The following CYP4X1 variants were observed in gnomAD, a reference collection of about 807,000 sequenced individuals.
The protein encoded by CYP4X1 is cytochrome P450 family 4 subfamily X member 1.
In CYP4X1, 44 loss-of-function variants were observed where a neutral mutation model predicts 57.9. The ratio of observed to expected loss-of-function variants is 0.76; its 90% CI spans 0.60 to 0.98. The LOEUF is 0.98. CYP4X1 is among the 50% of genes least tolerant of loss of function. CYP4X1 has a pLI of 0.00. For synonymous variants in CYP4X1, 227 were observed against 228.6 expected (o/e 0.99, Z 0.06); for missense variants, 532 against 623.9 (o/e 0.85, Z 1.57).
rs1644120540 is a variant in CYP4X1 at position 47,031,219 on chromosome 1, C to A, written c.320-217C>A. ...CAAGGGAATAATCAGGGTTTCTGTA[C>A]TTGTCTGCCTCATAGGGCTTGCTGT... On this transcript the variant is annotated intron_variant, in intron 2 of 11. Transcript: ENST00000371901. Among the ~76,000 whole-genome samples, 3 of 152,236 alleles carry A rather than the reference C, an allele frequency of 2.0e-5. No individual in the cohort carries two copies. In the South Asian group the frequency reaches 6.2e-4, roughly 31 times the overall value.
At chr1:47,004,531 A>C in the CYP4X1 span, among the ~76,000 whole-genome samples, 1 of 152,260 alleles carries the variant, frequency 6.6e-6, no homozygotes, top group Admixed American at 6.5e-5. Flanking sequence ...CAGTGAAATT[A>C]AGAGGTTTCC....
the CYP4X1 span, among the ~76,000 whole-genome samples, chr1:46,985,072 AG>A: frequency 2.6e-5 from 4 of 152,316 alleles, no homozygotes; most frequent in South Asian, 8.3e-4. Flanking sequence ...TTCCCCTCAC[AG>A]TGTAAACTAA....
chr1:47,033,708 A>G (rs964837740), intron 4 of CYP4X1, among the ~76,000 whole-genome samples: 2 of 152,176 alleles, frequency 1.3e-5, no homozygotes, highest in African/African-American at 4.8e-5. Context: ...GGAAACTGAG[A>G]GGCTGAAGAA....
At chr1:46,995,229 G>T in the CYP4X1 span, among the ~76,000 whole-genome samples, 1 of 152,024 alleles carries the variant, frequency 6.6e-6, no homozygotes, top group Non-Finnish European at 1.5e-5. Context: ...TTTATGCTAC[G>T]TACCTAATAG....
intron 6 of CYP4X1, among the ~76,000 whole-genome samples, chr1:47,037,149 C>G (rs2148510521): frequency 6.6e-6 from 1 of 151,412 alleles, no homozygotes; most frequent in Non-Finnish European, 1.5e-5. Flanking sequence ...GGAAGCTATA[C>G]AGAACTTTGT....
the CYP4X1 span, among the ~76,000 whole-genome samples, chr1:47,016,496 C>G: frequency 4.7e-4 from 71 of 152,086 alleles, no homozygotes; most frequent in Non-Finnish European, 4.9e-4. Flanking sequence ...GGCCCACCAC[C>G]ACGCCCAGTT....
chr1:47,009,359 C>CA, the CYP4X1 span, among the ~76,000 whole-genome samples: 1 of 151,762 alleles, frequency 6.6e-6, no homozygotes, highest in Non-Finnish European at 1.5e-5. Context: ...TCTTTGAAAC[C>CA]AACGAGACCA....
the CYP4X1 span, among the ~76,000 whole-genome samples, chr1:46,970,263 G>A: frequency 6.6e-6 from 1 of 152,322 alleles, no homozygotes; most frequent in Admixed American, 6.5e-5. Flanking sequence ...CTAGGATACA[G>A]TGAAATTTGG....
intron 6 of CYP4X1, among the ~76,000 whole-genome samples, chr1:47,036,812 T>C (rs11584400): frequency 0.069 from 10,503 of 152,256 alleles, 485 homozygotes; most frequent in East Asian, 0.22. Flanking sequence ...ACATTTGTTG[T>C]TACGATGAGT....
Position 47,048,615 on chromosome 1 carries a change from T to C in CYP4X1, c.1258T>C (p.Trp420Arg), listed in dbSNP as rs867117651. 3 of 1,612,068 alleles carry C rather than the reference T, an allele frequency of 1.9e-6. No individual in the cohort carries two copies. In the South Asian group the frequency reaches 3.3e-5, roughly 18 times the overall value. ...IWGLHHNPAV[W>R]KNPKVFDPLR... ...GGGTCTTCACCACAACCCTGCTGTC[T>C]GGAAAAACCCAAAGGTATGATTCTC... Residue 420 changes from tryptophan to arginine, a missense_variant, in exon 10 of 12, where the codon TGG (tryptophan) becomes CGG (arginine). Physicochemically the swap from Trp to Arg is moderately radical, Grantham distance 101 (BLOSUM62 -3). Transcript: ENST00000371901.
At chr1:47,028,670 A>C (rs1340224029) in intron 1 of CYP4X1, among the ~76,000 whole-genome samples, 1 of 152,208 alleles carries the variant, frequency 6.6e-6, no homozygotes. Flanking sequence ...AGTATAATGA[A>C]ATACTTTCAT....
the CYP4X1 span, among the ~76,000 whole-genome samples, chr1:46,975,795 C>T: frequency 6.6e-6 from 1 of 152,108 alleles, no homozygotes; most frequent in Non-Finnish European, 1.5e-5. Context: ...GTCTTTCATG[C>T]ATGTTGGTGA....
At chr1:47,013,687 G>A in the CYP4X1 span, among the ~76,000 whole-genome samples, 1 of 148,806 alleles carries the variant, frequency 6.7e-6, no homozygotes, top group Non-Finnish European at 1.5e-5. Flanking sequence ...TTAATTTGAT[G>A]TTAAGCAAAT....
intron 10 of CYP4X1, 109 bp from the exon 11 acceptor site, chr1:47,049,313 T>C: frequency 1.3e-6 from 1 of 786,952 alleles, no homozygotes; most frequent in Non-Finnish European, 2.1e-6. Context: ...ACATTTTAAA[T>C]TACACATGTA....
At chr1:47,000,221 C>T in the CYP4X1 span, among the ~76,000 whole-genome samples, 2 of 152,100 alleles carry the variant, frequency 1.3e-5, no homozygotes, top group Non-Finnish European at 2.9e-5. Context: ...CACCTACTAC[C>T]ATGTAAGGTG....
At chr1:47,039,704 T>C in intron 8 of CYP4X1, 172 bp downstream of exon 8, 1 of 407,522 alleles carries the variant, frequency 2.5e-6, no homozygotes, top group Admixed American at 4.8e-5. Context: ...TTCTCTTGTC[T>C]TTCAGGAAAA....
chr1:47,042,972 C>T (rs1339861183), intron 8 of CYP4X1, among the ~76,000 whole-genome samples: 2 of 152,172 alleles, frequency 1.3e-5, no homozygotes, highest in African/African-American at 2.4e-5. Flanking sequence ...GGTAGATACC[C>T]TGTAGTGGGA....
the CYP4X1 span, among the ~76,000 whole-genome samples, chr1:46,967,229 C>T: frequency 6.6e-6 from 1 of 152,134 alleles, no homozygotes; most frequent in Non-Finnish European, 1.5e-5. Flanking sequence ...AGAGATTCTC[C>T]CTAGAGCCCC....
At position 47,038,701 on chromosome 1, in the gene CYP4X1, G is replaced by T. The variant is rs763036133; in HGVS notation, c.817G>T (p.Val273Leu). Residue 273 changes from valine to leucine, a missense_variant, in exon 7 of 12, where the codon GTA becomes TTA. Coordinates refer to ENST00000371901, the MANE Select transcript of CYP4X1 (RefSeq NM_178033.2). ...QERKKSLQAG[V>L]KQDNTPKRKY... ...AAGAAAGAAATCCCTCCAGGCTGGG[G>T]TAAAGCAGGATAACACTCCGAAGAG... is the stretch of plus-strand genomic sequence containing the variant. 1 of 1,610,880 alleles carries T rather than the reference G, an allele frequency of 6.2e-7. No individual in the cohort carries two copies. The highest frequency in any genetic ancestry group is 1.1e-5 in the South Asian group (1 of 90,422).
Sources: allele counts gnomAD v4.1 joint callset (sites outside exome capture counted in the v4.1 genomes callset), GRCh38; gene constraint gnomAD v4.1.1; transcripts MANE v1.5; gene names NCBI Gene and HGNC (gene_info 2026-07-23, HGNC 2026-07-21).